GTF2A1: variants seen among roughly 807,000 people sequenced by gnomAD.
GTF2A1 encodes the protein general transcription factor IIA subunit 1, also known as transcription initiation factor IIA subunit 1.
In GTF2A1, 12 loss-of-function variants were observed where a neutral mutation model predicts 54.1. The ratio of observed to expected loss-of-function variants is 0.22; its 90% CI spans 0.14 to 0.36. The LOEUF (loss-of-function observed/expected upper bound fraction) is 0.36, where lower values mean the gene tolerates loss of function less well. GTF2A1 is among the 10% of genes least tolerant of loss of function. GTF2A1 has a pLI of 1.00. For synonymous variants in GTF2A1, 145 were observed against 152.0 expected, an observed-to-expected ratio of 0.95 and a Z score of 0.34; for missense variants, 335 against 442.2, an observed-to-expected ratio of 0.76 and a Z score of 2.17.
chr14:81,216,586 A>G (rs1893493916), intron 1 of GTF2A1, 72 bp from the exon 2 acceptor site: 5 of 675,348 alleles, frequency 7.4e-6, no homozygotes, highest in African/African-American at 1.8e-5. Context: ...GGTTTTCACA[A>G]ATTCAAAACG....
rs374930822 is a variant in GTF2A1 at position 81,217,335 on chromosome 14, C to T, written c.31-821G>A. On this transcript the variant is annotated intron_variant, in intron 1 of 8. Coordinates refer to ENST00000553612, the MANE Select transcript of GTF2A1 (RefSeq NM_015859.4). The stretch of plus-strand genomic sequence containing the variant: ...AAAAACTACAAAGTGGGAGATAGAA[C>T]AATTAGCCCAATCCACATCCTATTT... 2.0e-4 allele frequency among the ~76,000 whole-genome samples: 31 copies of T among 152,222 alleles called. No individual in the cohort carries two copies. In the East Asian group the frequency reaches 4.8e-3, roughly 24 times the overall value.
intron 2 of GTF2A1, among the ~76,000 whole-genome samples, chr14:81,214,884 T>A (rs1378871602): frequency 2.0e-5 from 3 of 152,232 alleles, no homozygotes; most frequent in African/African-American, 7.2e-5. Context: ...GATTCTCGTA[T>A]CTGACCCTGT....
chr14:81,215,722 A>G (rs1366547809), intron 2 of GTF2A1, among the ~76,000 whole-genome samples: 1 of 152,330 alleles, frequency 6.6e-6, no homozygotes, highest in East Asian at 1.9e-4. Context: ...GAATACAGGT[A>G]CATTAAGACC....
rs1467618267 is a variant in GTF2A1 at position 81,177,006 on chromosome 14, T to A, written c.*3217A>T. ...TTATTGCTATGAGAATCAAAAATAG[T>A]ATACTCTTAGAGGGAGACAACTCTT... On this transcript the variant is annotated 3_prime_UTR_variant, in exon 9 of 9. Transcript: ENST00000553612. The A allele has an allele frequency of 6.6e-6, 1 of 151,980 alleles. No individual in the cohort carries two copies. The highest frequency in any genetic ancestry group is 1.5e-5 in the Non-Finnish European group (1 of 67,930). The allele number at this position is 151,980 out of a possible 1,614,324, so 9.4% of individuals were successfully genotyped here.
At chr14:81,214,421 G>A (rs1282058264) in intron 2 of GTF2A1, among the ~76,000 whole-genome samples, 1 of 152,000 alleles carries the variant, frequency 6.6e-6, no homozygotes, top group Admixed American at 6.6e-5. Flanking sequence ...CGAGGTGGGG[G>A]GATCACAAGG....
chr14:81,196,816 T>C (rs541989497), intron 5 of GTF2A1, among the ~76,000 whole-genome samples: 37 of 152,312 alleles, frequency 2.4e-4, no homozygotes, highest in African/African-American at 8.7e-4. Context: ...TTACATCTTA[T>C]TAAAATATGT....
At chr14:81,181,507 T>C (rs1256297661) in intron 8 of GTF2A1, among the ~76,000 whole-genome samples, 6 of 152,200 alleles carry the variant, frequency 3.9e-5, no homozygotes, top group Non-Finnish European at 7.4e-5. Context: ...CTGTTTCATA[T>C]AATAATGCAG....
In GTF2A1 at chr14:81,176,052, T is replaced by C. The variant is rs1220398921; in HGVS notation, c.*4171A>G. 2.6e-5 allele frequency: 4 copies of C among 152,178 alleles called. No individual in the cohort carries two copies. The highest frequency in any genetic ancestry group is 7.2e-5 in the African/African-American group (3 of 41,450). 9.4% of individuals were successfully genotyped at this position (152,178 alleles called of 1,614,324 possible). A position where few individuals can be genotyped will look rare whatever the true frequency, so the allele number is the denominator to read the frequency against. ...TGTTGTTGTTAAATGGAATTCTCAT[T>C]AACAATGTAAAGCATTTTCCTTTCT... is the stretch of plus-strand genomic sequence containing the variant. On this transcript the variant is annotated 3_prime_UTR_variant, in exon 9 of 9. Coordinates refer to ENST00000553612, the MANE Select transcript of GTF2A1 (RefSeq NM_015859.4).
chr14:81,195,130 T>TTA (rs1268865049), intron 6 of GTF2A1, among the ~76,000 whole-genome samples: 1 of 133,352 alleles, frequency 7.5e-6, no homozygotes, highest in Non-Finnish European at 1.6e-5. Flanking sequence ...ACAGAGACTC[T>TTA]GTCTCAAAAA....
intron 2 of GTF2A1, among the ~76,000 whole-genome samples, chr14:81,213,851 T>G (rs554684634): frequency 8.6e-5 from 13 of 151,848 alleles, no homozygotes; most frequent in Non-Finnish European, 1.9e-4. Flanking sequence ...TTTCTGTTTT[T>G]TTTTTTTTTG....
chr14:81,178,731 AAAGG>A lies in GTF2A1; in HGVS notation c.*1488_*1491del. The A allele has an allele frequency of 6.6e-6, 1 of 152,336 alleles. No homozygotes were observed. The highest frequency in any genetic ancestry group is 1.5e-5 in the Non-Finnish European group (1 of 68,014). The allele number at this position is 152,336 out of a possible 1,614,324, so 9.4% of individuals were successfully genotyped here. On this transcript the variant is annotated 3_prime_UTR_variant, in exon 9 of 9. Coordinates refer to ENST00000553612, the MANE Select transcript of GTF2A1 (RefSeq NM_015859.4). ...TGTTACTTCTGAAAACACAAAGGCA[AAAGG>A]AAGACAAAAACTGAAGATTAAAAAA... is the stretch of plus-strand genomic sequence containing the variant.
At chr14:81,190,488 A>G (rs1892853025) in intron 7 of GTF2A1, among the ~76,000 whole-genome samples, 1 of 152,174 alleles carries the variant, frequency 6.6e-6, no homozygotes, top group South Asian at 2.1e-4. Context: ...GGAGTACAAG[A>G]TTGGTTTACA....
intron 1 of GTF2A1, 30 bp downstream of exon 1, chr14:81,220,459 C>A (rs1171422167): frequency 3.9e-6 from 6 of 1,524,932 alleles, no homozygotes; most frequent in African/African-American, 1.4e-5. Context: ...CTGAACGAAG[C>A]CCCCGCCGGC....
chr14:81,199,809 C>T (rs1379385241), intron 4 of GTF2A1, among the ~76,000 whole-genome samples: 1 of 152,166 alleles, frequency 6.6e-6, no homozygotes, highest in African/African-American at 2.4e-5. Flanking sequence ...TCAAAATTCT[C>T]TTCCACAACA....
intron 7 of GTF2A1, among the ~76,000 whole-genome samples, chr14:81,189,355 A>C (rs1892820849): frequency 6.6e-6 from 1 of 152,174 alleles, no homozygotes; most frequent in South Asian, 2.1e-4. Context: ...GGAAACATGA[A>C]CATATCTCAC....
intron 8 of GTF2A1, among the ~76,000 whole-genome samples, chr14:81,180,867 A>C (rs1003965299): frequency 6.6e-6 from 1 of 152,228 alleles, no homozygotes; most frequent in African/African-American, 2.4e-5. Flanking sequence ...CTTACCAGCT[A>C]AAACTATTCT....
At chr14:81,182,617 A>ATCT (rs1351161428) in intron 8 of GTF2A1, among the ~76,000 whole-genome samples, 7 of 152,200 alleles carry the variant, frequency 4.6e-5, no homozygotes, top group Non-Finnish European at 1.0e-4. Context: ...ATCCCCCTAA[A>ATCT]TAGTCTCGTT....
rs1269442251 is a variant in GTF2A1, at chr14:81,213,984, A to C, written c.132+2429T>G. Among the ~76,000 whole-genome samples the C allele has an allele frequency of 2.6e-5, 4 of 151,872 alleles. No individual in the cohort carries two copies. In the East Asian group the frequency reaches 7.7e-4, roughly 29 times the overall value. On this transcript the variant is annotated intron_variant, in intron 2 of 8. Coordinates refer to ENST00000553612, the MANE Select transcript of GTF2A1 (RefSeq NM_015859.4). ...CAGCCTCCCCAGTAGCTGGGATTAC[A>C]GGCACGCACCACCATGCCCAGCTAA...
intron 2 of GTF2A1, among the ~76,000 whole-genome samples, chr14:81,209,676 T>C (rs1893318792): frequency 6.6e-6 from 1 of 152,244 alleles, no homozygotes; most frequent in Non-Finnish European, 1.5e-5. Context: ...ACTTGTACTC[T>C]ATTTTCTCAC....
Sources: allele counts gnomAD v4.1 joint callset (sites outside exome capture counted in the v4.1 genomes callset), GRCh38; gene constraint gnomAD v4.1.1; transcripts MANE v1.5; gene names NCBI Gene and HGNC (gene_info 2026-07-23, HGNC 2026-07-21).